MDGA2: variants seen among roughly 807,000 people sequenced by gnomAD.
MDGA2 encodes MAM domain containing glycosylphosphatidylinositol anchor 2.
A neutral mutation model predicts 117.8 loss-of-function variants in MDGA2; 40 were observed. The observed-to-expected ratio is 0.34, with a 90% CI of 0.26 to 0.44. The LOEUF (loss-of-function observed/expected upper bound fraction) is 0.44. Ranked by LOEUF, MDGA2 falls within the 20% of genes least tolerant of loss-of-function variation. The pLI is 1.00. For missense variants in MDGA2, 1,123 were observed against 1,250.6 expected (o/e 0.90, Z 1.54); for synonymous variants, 452 against 439.0 (o/e 1.03, Z -0.37).
At chr14:46,917,707 A>T (rs551704902) in intron 10 of MDGA2, among the ~76,000 whole-genome samples, 2 of 152,200 alleles carry the variant, frequency 1.3e-5, no homozygotes, top group Non-Finnish European at 2.9e-5. Context: ...AATGTGTGTC[A>T]CTGCGTATCA....
intron 1 of MDGA2, among the ~76,000 whole-genome samples, chr14:47,653,132 T>C (rs1156871884): frequency 6.6e-6 from 1 of 152,122 alleles, no homozygotes; most frequent in African/African-American, 2.4e-5. Context: ...ATCCTCACCA[T>C]AAGAACATGT....
intron 1 of MDGA2, among the ~76,000 whole-genome samples, chr14:47,669,319 G>A (rs1184393551): frequency 2.0e-5 from 3 of 152,164 alleles, no homozygotes; most frequent in Non-Finnish European, 4.4e-5. Flanking sequence ...AATTACTTTT[G>A]TGACATCTAT....
chr14:47,403,986 T>C (rs1351215990), intron 1 of MDGA2, among the ~76,000 whole-genome samples: 1 of 152,066 alleles, frequency 6.6e-6, no homozygotes, highest in Non-Finnish European at 1.5e-5. Flanking sequence ...TGCACAATTG[T>C]CCACTCTTCA....
intron 1 of MDGA2, among the ~76,000 whole-genome samples, chr14:47,622,223 GAGA>G (rs531825599): frequency 9.8e-5 from 15 of 152,286 alleles, no homozygotes; most frequent in South Asian, 8.3e-4. Flanking sequence ...CCACAAAAGA[GAGA>G]AGAAGAAGAT....
At chr14:47,426,289 G>T (rs897014355) in intron 1 of MDGA2, among the ~76,000 whole-genome samples, 3 of 151,994 alleles carry the variant, frequency 2.0e-5, no homozygotes, top group Non-Finnish European at 4.4e-5. Flanking sequence ...TGATCTAATG[G>T]TGATTTTTTT....
At chr14:47,388,087 A>C (rs1891801325) in intron 1 of MDGA2, among the ~76,000 whole-genome samples, 1 of 151,964 alleles carries the variant, frequency 6.6e-6, no homozygotes, top group African/African-American at 2.4e-5. Context: ...TCTAATCCTG[A>C]AAACTCATTC....
intron 10 of MDGA2, among the ~76,000 whole-genome samples, chr14:46,905,580 T>C (rs1160967265): frequency 6.6e-6 from 1 of 152,190 alleles, no homozygotes; most frequent in Non-Finnish European, 1.5e-5. Flanking sequence ...TTCTTAAATC[T>C]TAAAATTTAT....
intron 3 of MDGA2, among the ~76,000 whole-genome samples, chr14:47,167,520 GT>G (rs1460760322): frequency 1.3e-5 from 2 of 152,110 alleles, no homozygotes; most frequent in South Asian, 4.2e-4. Context: ...TAGCAGTAGT[GT>G]TTTTTTCACA....
At chr14:47,154,898 T>C (rs1337275285) in intron 3 of MDGA2, among the ~76,000 whole-genome samples, 1 of 152,142 alleles carries the variant, frequency 6.6e-6, no homozygotes, top group Admixed American at 6.5e-5. Flanking sequence ...AGGCTGCCAG[T>C]TCCCCCTACC....
intron 1 of MDGA2, among the ~76,000 whole-genome samples, chr14:47,522,210 T>G (rs1318467080): frequency 6.6e-6 from 1 of 152,148 alleles, no homozygotes; most frequent in Non-Finnish European, 1.5e-5. Flanking sequence ...GATTTTTCTC[T>G]TGCAATAGAA....
intron 8 of MDGA2, among the ~76,000 whole-genome samples, chr14:47,018,745 A>G (rs1474116820): frequency 1.7e-5 from 2 of 116,546 alleles, no homozygotes; most frequent in East Asian, 8.6e-4. Flanking sequence ...AAAAAAAAAA[A>G]AAAAAAAAAA....
intron 1 of MDGA2, among the ~76,000 whole-genome samples, chr14:47,518,932 A>G (rs964730202): frequency 6.6e-6 from 1 of 152,142 alleles, no homozygotes; most frequent in Admixed American, 6.5e-5. Context: ...GGCTGGGCAC[A>G]GTGGCTCATA....
At chr14:47,544,405 A>G (rs1895416737) in intron 1 of MDGA2, among the ~76,000 whole-genome samples, 1 of 152,168 alleles carries the variant, frequency 6.6e-6, no homozygotes, top group Admixed American at 6.5e-5. Flanking sequence ...AATTGCCAGG[A>G]AAGCTCAATG....
intron 15 of MDGA2, among the ~76,000 whole-genome samples, chr14:46,849,086 A>T (rs1422489237): frequency 6.6e-6 from 1 of 152,038 alleles, no homozygotes. Flanking sequence ...CATTTTGTTT[A>T]AATAAATCTA....
At chr14:47,426,565 A>C (rs933772530) in intron 1 of MDGA2, among the ~76,000 whole-genome samples, 2 of 151,674 alleles carry the variant, frequency 1.3e-5, no homozygotes, top group African/African-American at 2.4e-5. Flanking sequence ...TATAATTAAA[A>C]AATAGCACCA....
At chr14:47,171,710 G>C (rs752896491) in intron 3 of MDGA2, among the ~76,000 whole-genome samples, 1 of 152,216 alleles carries the variant, frequency 6.6e-6, no homozygotes, top group Non-Finnish European at 1.5e-5. Context: ...AGCTCCCAGC[G>C]TGAGCGACAC....
chr14:47,258,335 C>A (rs1462377820), intron 2 of MDGA2, among the ~76,000 whole-genome samples: 1 of 152,060 alleles, frequency 6.6e-6, no homozygotes, highest in Admixed American at 6.6e-5. Context: ...AGGAAACTTA[C>A]AATCATGGTG....
intron 6 of MDGA2, among the ~76,000 whole-genome samples, chr14:47,081,357 A>G (rs1052450328): frequency 6.6e-6 from 1 of 152,158 alleles, no homozygotes; most frequent in East Asian, 1.9e-4. Context: ...AAAAGTATCA[A>G]GATTATAAAA....
At chr14:47,046,948 C>T (rs1020810312) in intron 7 of MDGA2, among the ~76,000 whole-genome samples, 2 of 152,068 alleles carry the variant, frequency 1.3e-5, no homozygotes, top group African/African-American at 4.8e-5. Context: ...GTAACAAAAG[C>T]AGAGCCACAT....
Sources: gnomAD v4.1 joint callset for allele counts (sites outside exome capture counted in the v4.1 genomes callset) on GRCh38, gnomAD v4.1.1 for gene constraint, MANE v1.5 for transcripts, NCBI Gene and HGNC (gene_info 2026-07-23, HGNC 2026-07-21) for gene names.